The following EBF4 variants were observed in gnomAD, a reference collection of about 807,000 sequenced individuals.
EBF4 encodes EBF transcription factor 4.
EBF4 carries 34 observed loss-of-function variants against 67.1 expected under a neutral mutation model. The ratio of observed to expected loss-of-function variants is 0.51; its 90% CI spans 0.39 to 0.67. The LOEUF (loss-of-function observed/expected upper bound fraction) is 0.67. Ranked by LOEUF, EBF4 falls within the 30% of genes least tolerant of loss-of-function variation. The pLI is 0.00. For missense variants in EBF4, 837 were observed against 873.3 expected (o/e 0.96, Z 0.52); for synonymous variants, 387 against 377.7 (o/e 1.02, Z -0.29).
chr20:2,697,693 C>A (rs2087316179), intron 1 of EBF4, among the ~76,000 whole-genome samples: 1 of 152,192 alleles, frequency 6.6e-6, no homozygotes, highest in Non-Finnish European at 1.5e-5. Flanking sequence ...TGCACAAGGA[C>A]CCCCTGCCCC....
exon 5 of EBF4, chr20:2,708,019 A>G (rs2087483493): frequency 1.2e-6 from 2 of 1,607,298 alleles, no homozygotes; most frequent in Non-Finnish European, 1.7e-6. Context: ...GATCATGTGC[A>G]GGTGAGATGG....
chr20:2,732,332 G>A (rs750751694), intron 6 of EBF4, among the ~76,000 whole-genome samples: 3 of 152,044 alleles, frequency 2.0e-5, no homozygotes, highest in Non-Finnish European at 4.4e-5. Flanking sequence ...ATGTTGCCTG[G>A]GCTGGTCTTG....
Position 2,747,611 on chromosome 20 carries a change from A to T in EBF4, c.558-938A>T, listed in dbSNP as rs547723182. Among the ~76,000 whole-genome samples, 20 of 152,292 alleles carry T rather than the reference A, an allele frequency of 1.3e-4. No homozygotes were observed. The highest frequency in any genetic ancestry group is 1.0e-3 in the South Asian group (5 of 4,830). On this transcript the variant is annotated intron_variant, in intron 6 of 16. Coordinates refer to ENST00000609451, the Ensembl canonical transcript of EBF4. The surrounding 1 kb of genome is among the most constrained non-coding windows in gnomAD (Gnocchi z 4.6). ...TGCTCTGTATGATTAAGCTTTTCCT[A>T]TGTGTATAATGGATATAAAATGTGT... is the stretch of plus-strand genomic sequence containing the variant.
At chr20:2,740,828 G>A (rs1028408) in intron 6 of EBF4, among the ~76,000 whole-genome samples, 55,679 of 151,838 alleles carry the variant, frequency 0.37, 10,880 homozygotes, top group Admixed American at 0.48. Context: ...CAGAGAGTTG[G>A]TCCTCCTTGT....
At position 2,745,125 on chromosome 20, in the gene EBF4, G is replaced by A. The variant is rs368425699; in HGVS notation, c.558-3424G>A. Among the ~76,000 whole-genome samples the A allele has an allele frequency of 8.5e-5, 13 of 152,312 alleles. No individual in the cohort carries two copies. In the East Asian group the frequency reaches 1.2e-3, roughly 14 times the overall value. On this transcript the variant is annotated intron_variant, in intron 6 of 16. Transcript: ENST00000609451. The surrounding 1 kb of genome is among the most constrained non-coding windows in gnomAD (Gnocchi z 5.2). ...GGTGAACCAGCATCACCTGGAGGGC[G>A]TATGAATGCAGAGATGTGATTCTGA...
chr20:2,699,718 T>C (rs2087347576), intron 1 of EBF4, among the ~76,000 whole-genome samples: 1 of 152,240 alleles, frequency 6.6e-6, no homozygotes, highest in Non-Finnish European at 1.5e-5. Flanking sequence ...TGTGGCATGG[T>C]TTGTTCACTA....
At chr20:2,749,649 C>A in exon 9 of EBF4, 1 of 1,566,178 alleles carries the variant, frequency 6.4e-7, no homozygotes. Flanking sequence ...GGCCATCAGC[C>A]CCGGGGAGGG....
At chr20:2,697,617 T>C (rs1003007318) in intron 1 of EBF4, among the ~76,000 whole-genome samples, 12 of 151,032 alleles carry the variant, frequency 7.9e-5, no homozygotes, top group Non-Finnish European at 1.5e-4. Flanking sequence ...CTGGAGGCAA[T>C]GGGGATGGGA....
At chr20:2,709,295 G>T (rs1160329037) in intron 5 of EBF4, among the ~76,000 whole-genome samples, 1 of 152,182 alleles carries the variant, frequency 6.6e-6, no homozygotes, top group Non-Finnish European at 1.5e-5. Flanking sequence ...TAGGTGACCT[G>T]CAGCCTGCCC....
intron 1 of EBF4, among the ~76,000 whole-genome samples, chr20:2,705,147 C>G (rs538413056): frequency 6.6e-6 from 1 of 152,230 alleles, no homozygotes; most frequent in African/African-American, 2.4e-5. Context: ...TCAGCCTGGG[C>G]TGGGGTTTAG....
In EBF4 at chr20:2,708,272, T is replaced by A. The variant is rs1054893564; in HGVS notation, c.488+252T>A. Among the ~76,000 whole-genome samples the A allele has an allele frequency of 2.6e-5, 4 of 152,320 alleles. No individual in the cohort carries two copies. In the East Asian group the frequency reaches 7.7e-4, roughly 29 times the overall value. On this transcript the variant is annotated intron_variant, in intron 5 of 16. Coordinates refer to ENST00000609451, the Ensembl canonical transcript of EBF4. Reference sequence around the variant, plus strand: ...TCCGAGTGTTTTTGTAAGAGAGGCCTCCTGCTGCCACTGGGAAGCTTAGCT... The same window carrying A: ...TCCGAGTGTTTTTGTAAGAGAGGCCACCTGCTGCCACTGGGAAGCTTAGCT...
rs2087272658 is a variant in EBF4, at chr20:2,695,306, TG to T, written c.137+1525del. Among the ~76,000 whole-genome samples, 3 of 152,096 alleles carry T rather than the reference TG, an allele frequency of 2.0e-5. No homozygotes were observed. In the East Asian group the frequency reaches 5.8e-4, roughly 29 times the overall value. The stretch of plus-strand genomic sequence containing the variant: ...TGTGCCTACCCAGAGGCAGGTCTGA[TG>T]AAGGGGAAGCAGACGTGAAGGAGGC... On this transcript the variant is annotated intron_variant, in intron 1 of 16. Coordinates refer to ENST00000609451, the Ensembl canonical transcript of EBF4.
intron 6 of EBF4, among the ~76,000 whole-genome samples, chr20:2,714,823 A>G (rs541593971): frequency 1.3e-5 from 2 of 152,232 alleles, no homozygotes; most frequent in African/African-American, 2.4e-5. Flanking sequence ...CCGGGTTTTC[A>G]TTATATTTAG....
Position 2,693,931 on chromosome 20 carries a change from G to A in EBF4, c.137+149G>A, listed in dbSNP as rs1222155995. 1.6e-5 allele frequency: 17 copies of A among 1,063,972 alleles called. No homozygotes were observed. The highest frequency in any genetic ancestry group is 2.0e-5 in the Non-Finnish European group (17 of 832,844). 65.9% of individuals were successfully genotyped at this position (1,063,972 alleles called of 1,614,324 possible). On this transcript the variant is annotated intron_variant, in intron 1 of 16. Transcript: ENST00000609451. The surrounding 1 kb of genome is among the most constrained non-coding windows in gnomAD (Gnocchi z 4.6). Reference sequence around the variant, plus strand: ...CTCCCCGGCCCACCCCGTCCGGAGTGCCTGTGCTGCCTCCTGAGGCTGTGG... The same window carrying A: ...CTCCCCGGCCCACCCCGTCCGGAGTACCTGTGCTGCCTCCTGAGGCTGTGG...
At chr20:2,697,984 G>A (rs1416305994) in intron 1 of EBF4, among the ~76,000 whole-genome samples, 2 of 152,242 alleles carry the variant, frequency 1.3e-5, no homozygotes, top group African/African-American at 4.8e-5. Flanking sequence ...TCCCTGCTAG[G>A]AAATGCTTTT....
chr20:2,757,116 G>T (rs2088257250), intron 15 of EBF4, among the ~76,000 whole-genome samples: 1 of 152,162 alleles, frequency 6.6e-6, no homozygotes, highest in African/African-American at 2.4e-5. Context: ...GGCAGGTGGG[G>T]CAGCCTCCAG....
At chr20:2,725,291 T>C (rs927285622) in intron 6 of EBF4, among the ~76,000 whole-genome samples, 1 of 152,220 alleles carries the variant, frequency 6.6e-6, no homozygotes, top group African/African-American at 2.4e-5. Flanking sequence ...TTGTTTTTCA[T>C]TCATCTTTCA....
At chr20:2,700,828 A>G (rs1186205844) in intron 1 of EBF4, among the ~76,000 whole-genome samples, 2 of 152,100 alleles carry the variant, frequency 1.3e-5, no homozygotes, top group Non-Finnish European at 2.9e-5. Context: ...GTTGGGGTCA[A>G]TCAGGAGAAG....
At chr20:2,733,798 CTAGCGA>C (rs1360830287) in intron 6 of EBF4, among the ~76,000 whole-genome samples, 1 of 148,710 alleles carries the variant, frequency 6.7e-6, no homozygotes, top group East Asian at 2.0e-4. Context: ...TACATTAATA[CTAGCGA>C]TAGCTGATGA....
Sources: gnomAD v4.1 joint callset for allele counts (sites outside exome capture counted in the v4.1 genomes callset) on GRCh38, gnomAD v4.1.1 for gene constraint, Gnocchi (gnomAD v3.1) non-coding constraint, MANE v1.5 for transcripts, NCBI Gene and HGNC (gene_info 2026-07-23, HGNC 2026-07-21) for gene names.